SCD5: variants seen among roughly 807,000 people sequenced by gnomAD.
SCD5 encodes the protein stearoyl-CoA desaturase 5, also known as acyl-CoA-desaturase 4.
In SCD5, 20 loss-of-function variants were observed where a neutral mutation model predicts 30.4. The observed-to-expected ratio is 0.66, with a 90% CI of 0.46 to 0.96. The LOEUF is 0.96. SCD5 is among the 40% of genes least tolerant of loss of function. SCD5 has a pLI of 0.00. For missense variants in SCD5, 381 were observed against 443.3 expected (o/e 0.86, Z 1.26); for synonymous variants, 173 against 176.4 (o/e 0.98, Z 0.16).
intron 3 of SCD5, among the ~76,000 whole-genome samples, chr4:82,638,092 G>A (rs750154271): frequency 1.3e-5 from 2 of 152,074 alleles, no homozygotes; most frequent in Non-Finnish European, 2.9e-5. Context: ...GAGAACATGC[G>A]GTGTTTGGTT....
chr4:82,701,393 C>T (rs6814630), intron 2 of SCD5, among the ~76,000 whole-genome samples: 19,948 of 151,864 alleles, frequency 0.13, 1,557 homozygotes, highest in East Asian at 0.4. Flanking sequence ...AGATATTGAT[C>T]CAACTATATC....
chr4:82,795,893 T>C (rs1722202031), intron 1 of SCD5, among the ~76,000 whole-genome samples: 1 of 147,342 alleles, frequency 6.8e-6, no homozygotes, highest in Non-Finnish European at 1.5e-5. Context: ...TGTTTCTAAG[T>C]CACAATTTTG....
At position 82,640,392 on chromosome 4, in the gene SCD5, T is replaced by TA. The variant is rs1354758029; in HGVS notation, c.570-3570dup. 5.9e-5 allele frequency among the ~76,000 whole-genome samples: 9 copies of TA among 151,824 alleles called. No homozygotes were observed. The East Asian group carries it at 1.2e-3, about 20-fold the overall frequency. On this transcript the variant is annotated intron_variant, in intron 3 of 4. Transcript: ENST00000319540. ...GCCTCTTCCTCAAAAAAGACATTCT[T>TA]AAAAAAAAATCACTGTCCTCATTCC... is the stretch of plus-strand genomic sequence containing the variant.
At chr4:82,754,037 C>G (rs1039982692) in intron 1 of SCD5, among the ~76,000 whole-genome samples, 1 of 152,134 alleles carries the variant, frequency 6.6e-6, no homozygotes, top group Non-Finnish European at 1.5e-5. Flanking sequence ...AGTCTCTTGT[C>G]AAGCACAGAC....
chr4:82,682,319 T>C (rs1388795038), intron 2 of SCD5, among the ~76,000 whole-genome samples: 1 of 152,182 alleles, frequency 6.6e-6, no homozygotes, highest in Non-Finnish European at 1.5e-5. Flanking sequence ...CAAGAATTGA[T>C]GGCATTCACT....
At chr4:82,796,138 C>T (rs1046039965) in intron 1 of SCD5, among the ~76,000 whole-genome samples, 24 of 151,578 alleles carry the variant, frequency 1.6e-4, no homozygotes, top group African/African-American at 4.9e-4. Context: ...GGCGTGGTGG[C>T]GGGCACCTGT....
chr4:82,701,093 G>C (rs1012732375), intron 2 of SCD5, among the ~76,000 whole-genome samples: 8 of 152,182 alleles, frequency 5.3e-5, no homozygotes, highest in Non-Finnish European at 1.2e-4. Context: ...AAAGACAGGA[G>C]GGAGAAATTG....
intron 1 of SCD5, among the ~76,000 whole-genome samples, chr4:82,710,067 C>A (rs557971913): frequency 6.6e-6 from 1 of 152,312 alleles, no homozygotes; most frequent in African/African-American, 2.4e-5. Flanking sequence ...CAACCTCAAG[C>A]TCTTTCAGGC....
intron 3 of SCD5, chr4:82,660,956 A>G: frequency 6.2e-7 from 1 of 1,614,222 alleles, no homozygotes; most frequent in Non-Finnish European, 8.5e-7. Flanking sequence ...GTATGTAACA[A>G]AGCTAAAATG....
intron 1 of SCD5, among the ~76,000 whole-genome samples, chr4:82,735,690 A>G (rs968631199): frequency 1.3e-4 from 20 of 152,218 alleles, no homozygotes; most frequent in African/African-American, 4.8e-4. Flanking sequence ...GATTCACCAA[A>G]GACTGGGTAA....
intron 2 of SCD5, among the ~76,000 whole-genome samples, chr4:82,686,896 C>T (rs926859706): frequency 5.3e-5 from 8 of 151,970 alleles, no homozygotes; most frequent in Non-Finnish European, 8.8e-5. Flanking sequence ...CTTCGCCGGG[C>T]AGGGTGGCTC....
At chr4:82,647,227 G>A (rs971728546) in intron 3 of SCD5, among the ~76,000 whole-genome samples, 25 of 152,278 alleles carry the variant, frequency 1.6e-4, no homozygotes, top group African/African-American at 5.3e-4. Flanking sequence ...TCACGTATGT[G>A]TGCAAGTGTG....
chr4:82,665,001 A>C (rs868786320), intron 3 of SCD5, among the ~76,000 whole-genome samples: 1,347 of 89,940 alleles, frequency 0.015, 11 homozygotes, highest in Non-Finnish European at 0.017. Flanking sequence ...CTCTCTCTCT[A>C]TATATATATA....
intron 3 of SCD5, among the ~76,000 whole-genome samples, chr4:82,650,541 C>A (rs2148814615): frequency 6.6e-6 from 1 of 152,246 alleles, no homozygotes; most frequent in African/African-American, 2.4e-5. Context: ...ACAAAAAATA[C>A]AAAAATTAGC....
At chr4:82,700,745 C>T (rs1181567861) in intron 2 of SCD5, among the ~76,000 whole-genome samples, 3 of 132,378 alleles carry the variant, frequency 2.3e-5, no homozygotes, top group African/African-American at 5.5e-5. Flanking sequence ...CATGATTGCT[C>T]CACTGCACTC....
At chr4:82,635,482 G>A (rs924954370) in intron 4 of SCD5, among the ~76,000 whole-genome samples, 6 of 152,084 alleles carry the variant, frequency 3.9e-5, no homozygotes, top group Middle Eastern at 3.4e-3. Context: ...TTAGCCAGGC[G>A]TGGTGGTGGG....
At chr4:82,632,742 G>T (rs7665870) in intron 4 of SCD5, among the ~76,000 whole-genome samples, 39,730 of 148,724 alleles carry the variant, frequency 0.27, 6,163 homozygotes, top group African/African-American at 0.44. Flanking sequence ...ACTGGTGTGA[G>T]ATGGTATCTC....
At chr4:82,723,223 G>C (rs1414852565) in intron 1 of SCD5, among the ~76,000 whole-genome samples, 1 of 151,982 alleles carries the variant, frequency 6.6e-6, no homozygotes, top group Non-Finnish European at 1.5e-5. Context: ...TTGGCACTAG[G>C]GGCTCTCTGT....
At chr4:82,784,803 G>A (rs1475238424) in intron 1 of SCD5, among the ~76,000 whole-genome samples, 2 of 152,198 alleles carry the variant, frequency 1.3e-5, no homozygotes, top group Admixed American at 1.3e-4. Context: ...AAAAATATCT[G>A]ACAACCCACA....
Sources: allele counts gnomAD v4.1 joint callset (sites outside exome capture counted in the v4.1 genomes callset), GRCh38; gene constraint gnomAD v4.1.1; transcripts MANE v1.5; gene names NCBI Gene and HGNC (gene_info 2026-07-23, HGNC 2026-07-21).